PCDHGB7: variants seen among roughly 807,000 people sequenced by gnomAD.
The protein encoded by PCDHGB7 is protocadherin gamma subfamily B, 7, also known as protocadherin gamma-B7.
A neutral mutation model predicts 61.4 loss-of-function variants in PCDHGB7; 37 were observed. That is an observed-to-expected ratio of 0.60 (90% CI 0.46 to 0.79). PCDHGB7 has a LOEUF of 0.79. Ranked by LOEUF, PCDHGB7 falls within the 30% of genes least tolerant of loss-of-function variation. The pLI is 0.00. For missense variants in PCDHGB7, 1,166 were observed against 1,202.5 expected, an observed-to-expected ratio of 0.97 and a Z score of 0.45; for synonymous variants, 464 against 503.5, an observed-to-expected ratio of 0.92 and a Z score of 1.05.
At chr5:141,427,914 A>C in intron 1 of PCDHGB7, 1 of 1,576,800 alleles carries the variant, frequency 6.3e-7, no homozygotes, top group Non-Finnish European at 8.7e-7. Flanking sequence ...CAGCGCCAAC[A>C]TGAGCCGGCG....
In PCDHGB7 at chr5:141,491,722, C is replaced by T. The variant is rs1276921909; in HGVS notation, c.2416-3085C>T. ...CCAGGTGAGGGGCTCGGCGCCGCCC[C>T]GGGCGACCCCTGGGGGCGGCACTGG... On this transcript the variant is annotated intron_variant, in intron 1 of 3. Coordinates refer to ENST00000398594, the MANE Select transcript of PCDHGB7 (RefSeq NM_018927.4). This position sits in a 1 kb window ranked among gnomAD's most constrained non-coding sequence, Gnocchi z 6.9. The T allele has an allele frequency of 6.2e-7, 1 of 1,607,004 alleles. No homozygotes were observed.
rs756332070 is a variant in PCDHGB7, at chr5:141,431,578, C to A, written c.2415+11304C>A. The stretch of plus-strand genomic sequence containing the variant: ...ACGCTACCGACCCTGACGAAGGAGT[C>A]AATGCGGAAGTGAGGTATTCCTTCC... On this transcript the variant is annotated intron_variant, in intron 1 of 3. Transcript: ENST00000398594. This position sits in a 1 kb window ranked among gnomAD's most constrained non-coding sequence, Gnocchi z 4.8. 6.2e-7 allele frequency: 1 copy of A among 1,614,164 alleles called. No homozygotes were observed. Among genetic ancestry groups the A allele is most frequent in the African/African-American group, 1.3e-5 (1 of 75,060 alleles).
intron 2 of PCDHGB7, among the ~76,000 whole-genome samples, chr5:141,502,296 G>A (rs758304596): frequency 7.9e-5 from 12 of 151,130 alleles, no homozygotes; most frequent in Non-Finnish European, 1.2e-4. Context: ...TGGTTGTCAC[G>A]TCTTTCCTCT....
At position 141,493,223 on chromosome 5, in the gene PCDHGB7, A is replaced by G. The variant is rs2099747083; in HGVS notation, c.2416-1584A>G. Among the ~76,000 whole-genome samples, 1 of 152,142 alleles carries G rather than the reference A, an allele frequency of 6.6e-6. No homozygotes were observed. The highest frequency in any genetic ancestry group is 6.6e-5 in the Admixed American group (1 of 15,262). On this transcript the variant is annotated intron_variant, in intron 1 of 3. Transcript: ENST00000398594. The surrounding 1 kb of genome is among the most constrained non-coding windows in gnomAD (Gnocchi z 4.3). ...CCTCATCTCATTTGCTCTTCCCACC[A>G]TTGCTGTTGGCTAGGTACTAACATG...
intron 1 of PCDHGB7, among the ~76,000 whole-genome samples, chr5:141,446,315 G>A (rs556077331): frequency 6.6e-6 from 1 of 152,188 alleles, no homozygotes; most frequent in East Asian, 1.9e-4. Context: ...TGATTCCTGG[G>A]TTTCCACATT....
intron 1 of PCDHGB7, among the ~76,000 whole-genome samples, chr5:141,456,266 C>G (rs1273258132): frequency 6.6e-6 from 1 of 152,128 alleles, no homozygotes; most frequent in Non-Finnish European, 1.5e-5. Context: ...TTGCTTCTGG[C>G]TACTTCCTGC....
chr5:141,456,426 A>G (rs2098857765), intron 1 of PCDHGB7, among the ~76,000 whole-genome samples: 1 of 152,210 alleles, frequency 6.6e-6, no homozygotes, highest in Non-Finnish European at 1.5e-5. Context: ...AATTCAAGTT[A>G]TAGTATTGAG....
At chr5:141,488,239 G>A (rs576918071) in intron 1 of PCDHGB7, among the ~76,000 whole-genome samples, 3 of 152,222 alleles carry the variant, frequency 2.0e-5, no homozygotes, top group South Asian at 4.1e-4. Context: ...AACTAGATGC[G>A]GTAAATTGGA....
At chr5:141,473,988 G>T (rs1006988447) in intron 1 of PCDHGB7, among the ~76,000 whole-genome samples, 2 of 152,118 alleles carry the variant, frequency 1.3e-5, no homozygotes, top group Middle Eastern at 3.2e-3. Context: ...AGGATCCCTT[G>T]AGCCCAAGGA....
chr5:141,510,949 G>C lies in PCDHGB7; in HGVS notation c.2566G>C (p.Ala856Pro), dbSNP rs762789865. The C allele has an allele frequency of 2.2e-5, 36 of 1,614,012 alleles. No homozygotes were observed. The highest frequency in any genetic ancestry group is 3.0e-5 in the Non-Finnish European group (35 of 1,180,020). ...CTGATCTTCCTCTGTCTCTGCAGAA[G>C]CTGCTGATGGGAGCTCCACCCTGGG... ...QAMILASASE[A>P]ADGSSTLGGG... is the part of the protein sequence containing the mutation. The change falls in exon 4 of 4, where the codon GCT (alanine) becomes CCT (proline). Residue 856 changes from alanine (A) to proline (P), a missense_variant and splice_region_variant. Coordinates refer to ENST00000398594, the MANE Select transcript of PCDHGB7 (RefSeq NM_018927.4).
intron 1 of PCDHGB7, among the ~76,000 whole-genome samples, chr5:141,453,779 C>T (rs138335951): frequency 0.013 from 2,000 of 152,278 alleles, 24 homozygotes; most frequent in Non-Finnish European, 0.021. Flanking sequence ...ATTTTAGTTA[C>T]CATGGTATAT....
intron 1 of PCDHGB7, chr5:141,423,252 C>T (rs2096724826): frequency 1.2e-6 from 2 of 1,613,802 alleles, no homozygotes; most frequent in South Asian, 2.2e-5. Context: ...TCCTGGCGGA[C>T]CTCGGCAGCC....
chr5:141,494,639 C>T, intron 1 of PCDHGB7, 168 bp from the exon 2 acceptor site: 1 of 901,070 alleles, frequency 1.1e-6, no homozygotes, highest in Non-Finnish European at 1.3e-6. Flanking sequence ...ACCTCTGAGA[C>T]CTGAGGTGTA....
chr5:141,500,839 G>A (rs2099802871), intron 2 of PCDHGB7, among the ~76,000 whole-genome samples: 1 of 151,906 alleles, frequency 6.6e-6, no homozygotes, highest in African/African-American at 2.4e-5. Flanking sequence ...ATGCTAATGG[G>A]CTTTTGCTAC....
rs527630741 is a variant in PCDHGB7, at chr5:141,493,568, G to A, written c.2416-1239G>A. ...TTGGAGATTGAGTTCCCCCAGCTCC[G>A]TTTCCTCCTATCACAATCACTGCAT... is the stretch of plus-strand genomic sequence containing the variant. On this transcript the variant is annotated intron_variant, in intron 1 of 3. Coordinates refer to ENST00000398594, the MANE Select transcript of PCDHGB7 (RefSeq NM_018927.4). This position sits in a 1 kb window ranked among gnomAD's most constrained non-coding sequence, Gnocchi z 4.3. 3.9e-5 allele frequency among the ~76,000 whole-genome samples: 6 copies of A among 152,250 alleles called. No homozygotes were observed. Among genetic ancestry groups the A allele is most frequent in the African/African-American group, 9.6e-5 (4 of 41,550 alleles).
rs767425160 is a variant in PCDHGB7, at chr5:141,418,028, A to C, written c.169A>C (p.Ser57Arg). Residue 57 changes from serine (S) to arginine (R), a missense_variant, in exon 1 of 4, where the codon AGT becomes CGT. Physicochemically the swap from Ser to Arg is moderately radical, Grantham distance 110 (BLOSUM62 -1). Coordinates refer to ENST00000398594, the MANE Select transcript of PCDHGB7 (RefSeq NM_018927.4). ...GAACCTCGCTAAGGATCTAGGGCTT[A>C]GTGTCCTGGATGTGTCGGCTCGCGA... is the stretch of plus-strand genomic sequence containing the variant. ...VGNLAKDLGL[S>R]VLDVSARELR... 1.2e-6 allele frequency: 2 copies of C among 1,613,970 alleles called. No individual in the cohort carries two copies. The highest frequency in any genetic ancestry group is 4.5e-5 in the East Asian group (2 of 44,884).
chr5:141,418,105 G>A lies in PCDHGB7; in HGVS notation c.246G>A (p.Gly82=), dbSNP rs971913143. Residue 82 remains glycine, a synonymous_variant, in exon 1 of 4, where the codon GGG becomes GGA. Transcript: ENST00000398594. ...ACTTCAGCGTAGACGCGCAGAGCGG[G>A]GACTTACTTGTGAAGGACCGAATAG... ...KLHFSVDAQS[G]DLLVKDRIDR... 5 of 1,614,062 alleles carry A rather than the reference G, an allele frequency of 3.1e-6. No homozygotes were observed. The East Asian group carries it at 8.9e-5, about 29-fold the overall frequency.
chr5:141,489,084 C>A lies in PCDHGB7; in HGVS notation c.2416-5723C>A. On this transcript the variant is annotated intron_variant, in intron 1 of 3. Coordinates refer to ENST00000398594, the MANE Select transcript of PCDHGB7 (RefSeq NM_018927.4). The surrounding 1 kb of genome is among the most constrained non-coding windows in gnomAD (Gnocchi z 4.5). Reference sequence around the variant, plus strand: ...CTCCCCCCTGCCCACCCCCGCCACTCGGTGACTAAGAACTGCTGCAAGCAG... The same window carrying A: ...CTCCCCCCTGCCCACCCCCGCCACTAGGTGACTAAGAACTGCTGCAAGCAG... The A allele has an allele frequency of 9.1e-6, 3 of 329,124 alleles. No homozygotes were observed. The highest frequency in any genetic ancestry group is 1.1e-5 in the Non-Finnish European group (2 of 186,464). The allele number at this position is 329,124 out of a possible 1,614,324, so 20.4% of individuals were successfully genotyped here. A position where few individuals can be genotyped will look rare whatever the true frequency, so the allele number is the denominator to read the frequency against.
chr5:141,509,843 C>T (rs1596253565), intron 3 of PCDHGB7, among the ~76,000 whole-genome samples: 1 of 152,178 alleles, frequency 6.6e-6, no homozygotes, highest in African/African-American at 2.4e-5. Context: ...CTCCCATTCA[C>T]TCAGAACAGG....
Sources: allele counts gnomAD v4.1 joint callset (sites outside exome capture counted in the v4.1 genomes callset), GRCh38; gene constraint gnomAD v4.1.1; non-coding constraint Gnocchi (gnomAD v3.1); transcripts MANE v1.5; gene names NCBI Gene and HGNC (gene_info 2026-07-23, HGNC 2026-07-21).